SAMSN1: variants seen among roughly 807,000 people sequenced by gnomAD.
SAMSN1 encodes the protein SAM domain, SH3 domain and nuclear localization signals 1.
Under a neutral mutation model 42.0 loss-of-function variants are expected in SAMSN1, and 31 were observed. That is an observed-to-expected ratio of 0.74 (90% CI 0.55 to 1.00). The LOEUF is 1.00. Among genes scored for constraint, SAMSN1 ranks in the 50% least tolerant of loss-of-function variants. SAMSN1 has a pLI of 0.00. For synonymous variants in SAMSN1, 178 were observed against 151.9 expected, an observed-to-expected ratio of 1.17 and a Z score of -1.26; for missense variants, 464 against 439.4, an observed-to-expected ratio of 1.06 and a Z score of -0.50.
chr21:14,526,287 T>A lies in SAMSN1; in HGVS notation c.58-5066A>T, dbSNP rs548595954. Among the ~76,000 whole-genome samples the A allele has an allele frequency of 3.9e-5, 6 of 152,342 alleles. No individual in the cohort carries two copies. The South Asian group carries it at 8.3e-4, about 21-fold the overall frequency. On this transcript the variant is annotated intron_variant, in intron 1 of 7. Coordinates refer to ENST00000400566, the MANE Select transcript of SAMSN1 (RefSeq NM_022136.5). ...TAAACTTGCGTTTCCTAAATTCATTTTAATACATCTAACTTTTCTGATATA... is the reference window on the plus strand; with the variant it reads ...TAAACTTGCGTTTCCTAAATTCATTATAATACATCTAACTTTTCTGATATA...
At chr21:14,597,702 C>G (rs977913651) in intron 6 of SAMSN1, among the ~76,000 whole-genome samples, 4 of 152,120 alleles carry the variant, frequency 2.6e-5, no homozygotes, top group Non-Finnish European at 5.9e-5. Context: ...AATAGAAGTG[C>G]AGACATAGGG....
chr21:14,516,805 T>C lies in SAMSN1; in HGVS notation c.279+87A>G, dbSNP rs115001727. 2.3e-3 allele frequency: 2,580 copies of C among 1,122,866 alleles called. 44 individuals are homozygous for C. In the African/African-American group the frequency reaches 0.037, roughly 16 times the overall value. The allele number at this position is 1,122,866 out of a possible 1,614,324, so 69.6% of individuals were successfully genotyped here. A position where few individuals can be genotyped will look rare whatever the true frequency, so the allele number is the denominator to read the frequency against. ...AGAAAACAAATGCTTAAGTACTTCA[T>C]AAAGTACCAAGCACTTCTATAGTCT... On this transcript the variant is annotated intron_variant, in intron 3 of 7. Coordinates refer to ENST00000400566, the MANE Select transcript of SAMSN1 (RefSeq NM_022136.5).
At chr21:14,658,956 A>G (rs551079501), upstream of SAMSN1, 616 of 580,242 alleles carry the variant, frequency 1.1e-3, 14 homozygotes, top group South Asian at 0.013. Flanking sequence ...TGAACAAACA[A>G]TTTCCTAAAT....
chr21:14,521,204 C>G lies in SAMSN1; in HGVS notation c.75G>C (p.Gly25=), dbSNP rs766138401. 6.2e-7 allele frequency: 1 copy of G among 1,610,448 alleles called. No individual in the cohort carries two copies. Among genetic ancestry groups the G allele is most frequent in the East Asian group, 2.2e-5 (1 of 44,766 alleles). ...AATTATTCCGAAAACGATCGAAATT[C>G]CCAAAACTGCTGCTTCGCTATAAAA... is the stretch of plus-strand genomic sequence containing the variant. ...HQKPKRSSSF[G]NFDRFRNNSL... The change falls in exon 2 of 8, where the codon GGG becomes GGC. Residue 25 remains glycine (G), a synonymous_variant. Transcript: ENST00000400566.
intron 2 of SAMSN1, among the ~76,000 whole-genome samples, chr21:14,558,061 TA>T (rs1687721139): frequency 1.3e-5 from 2 of 152,188 alleles, no homozygotes; most frequent in Non-Finnish European, 2.9e-5. Flanking sequence ...TGATTGTTTT[TA>T]CTGTTTTGAT....
At chr21:14,649,486 C>T (rs1002049104) in intron 1 of SAMSN1, among the ~76,000 whole-genome samples, 3 of 152,000 alleles carry the variant, frequency 2.0e-5, no homozygotes, top group African/African-American at 7.3e-5. Context: ...CACATACAGA[C>T]TGGCTGGGTG....
chr21:14,537,736 A>G (rs1979721970), intron 1 of SAMSN1, among the ~76,000 whole-genome samples: 1 of 152,174 alleles, frequency 6.6e-6, no homozygotes, highest in Non-Finnish European at 1.5e-5. Flanking sequence ...AGTGATTCAA[A>G]TATTCGGCCT....
intron 2 of SAMSN1, among the ~76,000 whole-genome samples, chr21:14,574,555 T>G (rs1981400500): frequency 6.6e-6 from 1 of 152,198 alleles, no homozygotes; most frequent in South Asian, 2.1e-4. Flanking sequence ...CACATATGCA[T>G]GAAGTTTGTG....
intron 5 of SAMSN1, among the ~76,000 whole-genome samples, chr21:14,608,569 G>A (rs1982623455): frequency 6.6e-6 from 1 of 152,172 alleles, no homozygotes; most frequent in Non-Finnish European, 1.5e-5. Context: ...GAACTGAGGT[G>A]CACATGATCT....
intron 1 of SAMSN1, among the ~76,000 whole-genome samples, chr21:14,653,595 G>A (rs780970559): frequency 2.0e-5 from 3 of 151,836 alleles, no homozygotes; most frequent in Admixed American, 6.6e-5. Context: ...AGCACAATAG[G>A]GTGACTATTG....
intron 2 of SAMSN1, among the ~76,000 whole-genome samples, chr21:14,569,249 C>T (rs191423837): frequency 3.2e-4 from 48 of 152,204 alleles, no homozygotes; most frequent in Admixed American, 7.9e-4. Context: ...GAGCTGTGAC[C>T]GCACTACTGC....
intron 5 of SAMSN1, among the ~76,000 whole-genome samples, chr21:14,605,582 A>G (rs79912025): frequency 0.026 from 3,983 of 152,284 alleles, 103 homozygotes; most frequent in South Asian, 0.08. Context: ...TCAGACCAAC[A>G]AAGAAAAATA....
chr21:14,512,497 G>T lies in SAMSN1; in HGVS notation c.356C>A (p.Ser119Tyr). Reference protein sequence around the residue: ...PVIGTHTEKVSLKASDSMDSL... With the variant: ...PVIGTHTEKVYLKASDSMDSL... ...ATCCATGGAGTCACTGGCTTTGAGGGACACCTTCTCTGTGTGGGTCCCAAT... is the reference window on the plus strand; with the variant it reads ...ATCCATGGAGTCACTGGCTTTGAGGTACACCTTCTCTGTGTGGGTCCCAAT... The change falls in exon 4 of 8, where the codon TCC (serine) becomes TAC (tyrosine). Residue 119 changes from serine (S) to tyrosine (Y), a missense_variant. Ser to Tyr is a moderately radical substitution (Grantham distance 144). Coordinates refer to ENST00000400566, the MANE Select transcript of SAMSN1 (RefSeq NM_022136.5). The T allele has an allele frequency of 6.2e-7, 1 of 1,613,892 alleles. No individual in the cohort carries two copies.
chr21:14,502,012 G>A (rs536251243), intron 5 of SAMSN1, among the ~76,000 whole-genome samples: 9 of 152,302 alleles, frequency 5.9e-5, no homozygotes, highest in African/African-American at 2.2e-4. Context: ...CCTCCTTTGA[G>A]ACTTAAAACT....
intron 5 of SAMSN1, among the ~76,000 whole-genome samples, chr21:14,501,850 C>T (rs892968092): frequency 2.0e-5 from 3 of 152,166 alleles, no homozygotes; most frequent in Admixed American, 6.5e-5. Flanking sequence ...TATGGACAAA[C>T]CAATTGGTCT....
At chr21:14,587,672 T>A (rs1314134509), upstream of SAMSN1, among the ~76,000 whole-genome samples, 2 of 152,140 alleles carry the variant, frequency 1.3e-5, no homozygotes, top group Non-Finnish European at 2.9e-5. Context: ...TCCCCAGGCC[T>A]CTCTGCAGAG....
chr21:14,619,069 G>A (rs971945178), intron 2 of SAMSN1, among the ~76,000 whole-genome samples: 10 of 152,064 alleles, frequency 6.6e-5, no homozygotes, highest in South Asian at 2.1e-4. Flanking sequence ...AAGCACTTCC[G>A]TATATAAAAT....
intron 2 of SAMSN1, among the ~76,000 whole-genome samples, chr21:14,556,032 C>T: frequency 6.6e-6 from 1 of 152,170 alleles, no homozygotes; most frequent in East Asian, 1.9e-4. Context: ...TCTCTACCTA[C>T]TGAAGAAAAA....
intron 2 of SAMSN1, among the ~76,000 whole-genome samples, chr21:14,631,644 C>T (rs549833385): frequency 5.3e-5 from 8 of 152,266 alleles, no homozygotes; most frequent in East Asian, 3.9e-4. Context: ...GGATTACAGG[C>T]GTAAGCCACC....
Sources: gnomAD v4.1 joint callset for allele counts (sites outside exome capture counted in the v4.1 genomes callset) on GRCh38, gnomAD v4.1.1 for gene constraint, MANE v1.5 for transcripts, NCBI Gene and HGNC (gene_info 2026-07-23, HGNC 2026-07-21) for gene names.